Variants in LRRTM4 observed in about 807,000 individuals in gnomAD.
LRRTM4 encodes leucine-rich repeat transmembrane neuronal protein 4.
In LRRTM4, 25 loss-of-function variants were observed where a neutral mutation model predicts 47.6. The observed-to-expected ratio is 0.53, with a 90% CI of 0.38 to 0.73. The LOEUF is 0.73. Among genes scored for constraint, LRRTM4 ranks in the 30% least tolerant of loss-of-function variants. The probability of loss-of-function intolerance (pLI) is 0.00; values close to 1 mark genes in which losing one functional copy is unlikely to be tolerated. For synonymous variants in LRRTM4, 311 were observed against 269.5 expected (o/e 1.15, Z -1.51); for missense variants, 638 against 713.4 (o/e 0.89, Z 1.20).
At chr2:77,377,477 T>A (rs1048877574) in intron 3 of LRRTM4, among the ~76,000 whole-genome samples, 1 of 151,928 alleles carries the variant, frequency 6.6e-6, no homozygotes, top group Non-Finnish European at 1.5e-5. Context: ...TCTTTCTAAT[T>A]CTTACATCTT....
chr2:77,387,582 G>A (rs1250870219), intron 3 of LRRTM4, among the ~76,000 whole-genome samples: 2 of 152,084 alleles, frequency 1.3e-5, no homozygotes, highest in African/African-American at 4.8e-5. Flanking sequence ...TGGACAAGGG[G>A]AGCCCACGTG....
chr2:77,240,764 G>A (rs970779311), intron 3 of LRRTM4, among the ~76,000 whole-genome samples: 2 of 151,762 alleles, frequency 1.3e-5, no homozygotes, highest in African/African-American at 2.4e-5. Flanking sequence ...TTACATACTA[G>A]CAACGAAAAA....
At chr2:76,960,479 CTTT>C (rs1430046331) in intron 3 of LRRTM4, among the ~76,000 whole-genome samples, 2 of 151,548 alleles carry the variant, frequency 1.3e-5, no homozygotes, top group African/African-American at 4.8e-5. Flanking sequence ...TGTACCATCT[CTTT>C]ATTATTTCTC....
At chr2:76,857,341 T>G (rs1672183913) in intron 3 of LRRTM4, among the ~76,000 whole-genome samples, 1 of 148,866 alleles carries the variant, frequency 6.7e-6, no homozygotes, top group African/African-American at 2.5e-5. Context: ...CATATATATT[T>G]ATTCCTTAGC....
At chr2:77,003,927 T>C (rs977498375) in intron 3 of LRRTM4, among the ~76,000 whole-genome samples, 1 of 152,152 alleles carries the variant, frequency 6.6e-6, no homozygotes, top group African/African-American at 2.4e-5. Flanking sequence ...CATAGGGACA[T>C]GAAAAACTTG....
intron 3 of LRRTM4, among the ~76,000 whole-genome samples, chr2:77,291,378 T>C (rs1676818133): frequency 6.6e-6 from 1 of 152,110 alleles, no homozygotes; most frequent in Admixed American, 6.6e-5. Flanking sequence ...TAATTTAAAC[T>C]ACTTATTTCT....
At position 77,342,878 on chromosome 2, in the gene LRRTM4, A is replaced by G. The variant is rs986914916; in HGVS notation, c.1551+175440T>C. 2.6e-5 allele frequency among the ~76,000 whole-genome samples: 4 copies of G among 151,970 alleles called. No homozygotes were observed. The East Asian group carries it at 7.8e-4, about 29-fold the overall frequency. On this transcript the variant is annotated intron_variant, in intron 3 of 3. Transcript: ENST00000409884. Reference sequence around the variant, plus strand: ...AACTGAGGACTCTATGCCATGAACTACAATTAGAATCCTGAGACTAAGTAG... The same window carrying G: ...AACTGAGGACTCTATGCCATGAACTGCAATTAGAATCCTGAGACTAAGTAG...
intron 3 of LRRTM4, among the ~76,000 whole-genome samples, chr2:77,295,098 A>G (rs1166737386): frequency 1.3e-5 from 2 of 152,210 alleles, no homozygotes; most frequent in African/African-American, 2.4e-5. Context: ...ATTTCTAGCC[A>G]TAGTGCTTAT....
chr2:77,200,779 C>T (rs1673951483), intron 3 of LRRTM4, among the ~76,000 whole-genome samples: 1 of 152,064 alleles, frequency 6.6e-6, no homozygotes, highest in African/African-American at 2.4e-5. Context: ...CCCAGAAAAA[C>T]TGACATAATT....
At chr2:77,250,656 A>G (rs571058486) in intron 3 of LRRTM4, among the ~76,000 whole-genome samples, 40 of 152,336 alleles carry the variant, frequency 2.6e-4, no homozygotes, top group Non-Finnish European at 4.1e-4. Context: ...ACAGAAAAAT[A>G]TAAAAGCTTT....
chr2:77,373,966 A>G (rs1461197433), intron 3 of LRRTM4, among the ~76,000 whole-genome samples: 2 of 151,792 alleles, frequency 1.3e-5, no homozygotes, highest in African/African-American at 4.8e-5. Context: ...AAGTTAACAG[A>G]GTCAAACAAG....
chr2:76,905,762 T>C (rs1673811380), intron 3 of LRRTM4, among the ~76,000 whole-genome samples: 2 of 150,894 alleles, frequency 1.3e-5, no homozygotes, highest in South Asian at 4.2e-4. Flanking sequence ...GAAGATGAAA[T>C]GAATGAAATG....
chr2:76,945,611 A>G (rs1573351711), intron 3 of LRRTM4, among the ~76,000 whole-genome samples: 1 of 152,054 alleles, frequency 6.6e-6, no homozygotes, highest in Non-Finnish European at 1.5e-5. Context: ...TCCTGCATAT[A>G]TATACTGCAA....
chr2:76,923,847 T>C (rs536430020), intron 3 of LRRTM4, among the ~76,000 whole-genome samples: 2 of 152,214 alleles, frequency 1.3e-5, no homozygotes, highest in African/African-American at 4.8e-5. Flanking sequence ...TTGAATTAAG[T>C]ATAGGGTCAC....
chr2:76,843,790 C>T (rs546346149), intron 3 of LRRTM4, among the ~76,000 whole-genome samples: 1 of 152,042 alleles, frequency 6.6e-6, no homozygotes, highest in Non-Finnish European at 1.5e-5. Context: ...TTCTACAATA[C>T]TACTTATATG....
intron 3 of LRRTM4, among the ~76,000 whole-genome samples, chr2:77,016,478 G>A (rs1214282964): frequency 7.9e-5 from 12 of 152,032 alleles, no homozygotes; most frequent in Non-Finnish European, 4.4e-5. Flanking sequence ...TAACGGGCCA[G>A]GGTAACTAAG....
intron 3 of LRRTM4, among the ~76,000 whole-genome samples, chr2:76,903,226 T>C (rs778294432): frequency 4.6e-5 from 7 of 151,086 alleles, no homozygotes; most frequent in African/African-American, 1.7e-4. Context: ...CAAATAAAAA[T>C]AAAAAAAGAA....
intron 3 of LRRTM4, among the ~76,000 whole-genome samples, chr2:76,891,738 A>G (rs1673261545): frequency 1.3e-5 from 2 of 151,822 alleles, no homozygotes; most frequent in South Asian, 4.1e-4. Flanking sequence ...ATATCTAAAC[A>G]TACCAAACAA....
intron 3 of LRRTM4, among the ~76,000 whole-genome samples, chr2:76,831,804 A>G (rs186834572): frequency 6.6e-6 from 1 of 152,086 alleles, no homozygotes; most frequent in Non-Finnish European, 1.5e-5. Flanking sequence ...ATGAGAATTT[A>G]GCTTTTTTTA....
Sources: allele counts gnomAD v4.1 joint callset (sites outside exome capture counted in the v4.1 genomes callset), GRCh38; gene constraint gnomAD v4.1.1; transcripts MANE v1.5; gene names NCBI Gene and HGNC (gene_info 2026-07-23, HGNC 2026-07-21).